LINGO2: variants seen among roughly 807,000 people sequenced by gnomAD.
LINGO2 encodes the protein leucine rich repeat and Ig domain containing 2.
A neutral mutation model predicts 30.6 loss-of-function variants in LINGO2; 14 were observed. That is an observed-to-expected ratio of 0.46 (90% CI 0.30 to 0.72). LINGO2 has a LOEUF of 0.72. LINGO2 is among the 30% of genes least tolerant of loss of function. LINGO2 has a pLI of 0.07. For missense variants in LINGO2, 729 were observed against 751.7 expected (o/e 0.97, Z 0.35); for synonymous variants, 317 against 288.5 (o/e 1.10, Z -1.00).
At chr9:28,924,641 G>C in the LINGO2 span, among the ~76,000 whole-genome samples, 1 of 152,148 alleles carries the variant, frequency 6.6e-6, no homozygotes, top group South Asian at 2.1e-4. Flanking sequence ...ATAGATGTTT[G>C]GAAGGGAAAT....
chr9:28,922,400 G>T, the LINGO2 span, among the ~76,000 whole-genome samples: 5 of 151,996 alleles, frequency 3.3e-5, no homozygotes, highest in Non-Finnish European at 7.4e-5. Context: ...ATAAAACAAG[G>T]GGACATTCAA....
the LINGO2 span, among the ~76,000 whole-genome samples, chr9:29,202,403 G>A: frequency 6.6e-6 from 1 of 151,950 alleles, no homozygotes; most frequent in African/African-American, 2.4e-5. Flanking sequence ...TTATTAGTAA[G>A]TACCAGATTA....
At chr9:28,577,939 T>C (rs1824071105) in intron 1 of LINGO2, among the ~76,000 whole-genome samples, 1 of 152,154 alleles carries the variant, frequency 6.6e-6, no homozygotes, top group Non-Finnish European at 1.5e-5. Flanking sequence ...GAAAATCTGA[T>C]TCAGGCTTCC....
the LINGO2 span, among the ~76,000 whole-genome samples, chr9:29,193,012 G>A: frequency 6.6e-6 from 1 of 152,158 alleles, no homozygotes; most frequent in East Asian, 1.9e-4. Context: ...CCATTCATCT[G>A]ACAAGAGGCA....
intron 1 of LINGO2, among the ~76,000 whole-genome samples, chr9:28,552,250 C>A (rs529239346): frequency 6.6e-6 from 1 of 152,096 alleles, no homozygotes; most frequent in African/African-American, 2.4e-5. Flanking sequence ...TTCCCTCTAC[C>A]TTTCTTCTAG....
At chr9:28,791,665 CTACTT>C in the LINGO2 span, among the ~76,000 whole-genome samples, 280 of 151,988 alleles carry the variant, frequency 1.8e-3, 5 homozygotes, top group East Asian at 0.036. Flanking sequence ...AAAAAGTACT[CTACTT>C]TACTCTGAAT....
intron 1 of LINGO2, among the ~76,000 whole-genome samples, chr9:28,571,199 TGGCTG>T (rs1349681855): frequency 6.6e-6 from 1 of 152,018 alleles, no homozygotes; most frequent in Non-Finnish European, 1.5e-5. Context: ...ATTTTCTTCT[TGGCTG>T]GGGGAAAATG....
intron 1 of LINGO2, among the ~76,000 whole-genome samples, chr9:28,617,724 T>A (rs1396334886): frequency 6.6e-6 from 1 of 151,704 alleles, no homozygotes; most frequent in Non-Finnish European, 1.5e-5. Context: ...TTTTCATCTT[T>A]ACTTTTTTTT....
At chr9:28,221,834 T>C (rs529400318) in intron 4 of LINGO2, among the ~76,000 whole-genome samples, 117 of 152,334 alleles carry the variant, frequency 7.7e-4, no homozygotes, top group African/African-American at 2.7e-3. Flanking sequence ...CTTTAAGATA[T>C]ATACTTGCTT....
intron 1 of LINGO2, among the ~76,000 whole-genome samples, chr9:28,657,992 C>A (rs1247648802): frequency 6.6e-6 from 1 of 151,876 alleles, no homozygotes; most frequent in African/African-American, 2.4e-5. Context: ...TCCTCTGTGA[C>A]TCCTTCTTTT....
At chr9:28,281,491 A>G (rs1165064280) in intron 4 of LINGO2, among the ~76,000 whole-genome samples, 18 of 152,066 alleles carry the variant, frequency 1.2e-4, no homozygotes. Flanking sequence ...ACACACACAC[A>G]CACATATAAG....
At chr9:29,148,232 T>C in the LINGO2 span, among the ~76,000 whole-genome samples, 1 of 152,130 alleles carries the variant, frequency 6.6e-6, no homozygotes, top group Non-Finnish European at 1.5e-5. Flanking sequence ...ATAACACCCA[T>C]CATCCTGAAA....
chr9:29,165,519 T>C, the LINGO2 span, among the ~76,000 whole-genome samples: 42 of 152,220 alleles, frequency 2.8e-4, no homozygotes, highest in African/African-American at 9.6e-4. Flanking sequence ...ATCACCAGAA[T>C]TTTATATTGT....
chr9:28,241,445 C>T (rs1821795801), intron 4 of LINGO2, among the ~76,000 whole-genome samples: 3 of 152,086 alleles, frequency 2.0e-5, no homozygotes, highest in Admixed American at 2.0e-4. Flanking sequence ...TTAGGACTGA[C>T]TAGGCGGCAG....
At chr9:28,238,907 A>C (rs1821677458) in intron 4 of LINGO2, among the ~76,000 whole-genome samples, 1 of 152,102 alleles carries the variant, frequency 6.6e-6, no homozygotes, top group Non-Finnish European at 1.5e-5. Flanking sequence ...ACTAGCTAAG[A>C]AAAAAAGAGA....
the LINGO2 span, among the ~76,000 whole-genome samples, chr9:29,173,603 C>A: frequency 3.7e-4 from 56 of 152,142 alleles, no homozygotes; most frequent in South Asian, 0.011. Context: ...GTCTCTTCGT[C>A]TTAAATATCT....
At chr9:28,186,672 T>G (rs1363768238) in intron 4 of LINGO2, among the ~76,000 whole-genome samples, 2 of 151,972 alleles carry the variant, frequency 1.3e-5, no homozygotes, top group African/African-American at 4.8e-5. Flanking sequence ...ATGTGAAGAC[T>G]TCAATGAGTA....
At chr9:28,460,606 A>G (rs1825039977) in intron 2 of LINGO2, among the ~76,000 whole-genome samples, 1 of 152,186 alleles carries the variant, frequency 6.6e-6, no homozygotes, top group Admixed American at 6.6e-5. Context: ...AAATGGGGGA[A>G]ATTGAAAATC....
chr9:29,089,622 A>G, the LINGO2 span, among the ~76,000 whole-genome samples: 5 of 152,050 alleles, frequency 3.3e-5, no homozygotes, highest in East Asian at 7.7e-4. Flanking sequence ...TGGCTTAATG[A>G]TCATTTTGAT....
Sources: allele counts gnomAD v4.1 joint callset (sites outside exome capture counted in the v4.1 genomes callset), GRCh38; gene constraint gnomAD v4.1.1; transcripts MANE v1.5; gene names NCBI Gene and HGNC (gene_info 2026-07-23, HGNC 2026-07-21).